Variants in BRWD1 observed in about 807,000 individuals in gnomAD.
BRWD1 encodes bromodomain and WD repeat-containing protein 1.
A neutral mutation model predicts 251.2 loss-of-function variants in BRWD1; 82 were observed. The observed-to-expected ratio is 0.33, with a 90% CI of 0.27 to 0.39. The LOEUF (loss-of-function observed/expected upper bound fraction) is 0.39, where lower values mean the gene tolerates loss of function less well. BRWD1 is among the 10% of genes least tolerant of loss of function. BRWD1 has a pLI of 1.00. For synonymous variants in BRWD1, 918 were observed against 902.8 expected, an observed-to-expected ratio of 1.02 and a Z score of -0.30; for missense variants, 2,233 against 2,711.6, an observed-to-expected ratio of 0.82 and a Z score of 3.92.
Position 39,186,944 on chromosome 21 carries a change from TTA to T in BRWD1, c.*9313_*9314del. Reference sequence around the variant, plus strand: ...CAAAGATGCCAATAAGGGAGTAATTTTAGAGCTGGGAGCAGAATGTAACTGCC... The same window carrying T: ...CAAAGATGCCAATAAGGGAGTAATTTGAGCTGGGAGCAGAATGTAACTGCC... On this transcript the variant is annotated 3_prime_UTR_variant, in exon 41 of 41. Transcript: ENST00000342449. The T allele has an allele frequency of 1.3e-6, 2 of 1,497,454 alleles. No individual in the cohort carries two copies. The highest frequency in any genetic ancestry group is 1.8e-6 in the Non-Finnish European group (2 of 1,129,508). 92.8% of individuals were successfully genotyped at this position (1,497,454 alleles called of 1,614,324 possible). A position where few individuals can be genotyped will look rare whatever the true frequency, so the allele number is the denominator to read the frequency against.
At chr21:39,226,046 A>AG (rs1318496602) in intron 27 of BRWD1, among the ~76,000 whole-genome samples, 2 of 152,170 alleles carry the variant, frequency 1.3e-5, no homozygotes, top group East Asian at 3.8e-4. Flanking sequence ...GTTAGAAGAG[A>AG]GTCTTTGATA....
chr21:39,233,106 G>C (rs559981317), intron 23 of BRWD1, among the ~76,000 whole-genome samples: 2 of 152,022 alleles, frequency 1.3e-5, no homozygotes, highest in Admixed American at 6.6e-5. Context: ...CATAACTCAA[G>C]CAGCCAGCTT....
intron 13 of BRWD1, among the ~76,000 whole-genome samples, chr21:39,273,911 T>C (rs114863054): frequency 0.015 from 2,315 of 152,348 alleles, 57 homozygotes; most frequent in African/African-American, 0.053. Context: ...TCTCGCTCTG[T>C]CACCCAGGCT....
At chr21:39,285,827 C>G (rs902765849) in intron 8 of BRWD1, among the ~76,000 whole-genome samples, 1 of 133,478 alleles carries the variant, frequency 7.5e-6, no homozygotes, top group African/African-American at 2.8e-5. Context: ...CTACTCCCAG[C>G]TACTCAGGAG....
At position 39,186,858 on chromosome 21, in the gene BRWD1, A is replaced by G. The variant is rs1343879160; in HGVS notation, c.*9401T>C. ...TCCTCCTCAGAATTCCCCAGAGCAC[A>G]TGTCTGTACAAGAGCTGACTGGGAG... On this transcript the variant is annotated 3_prime_UTR_variant, in exon 41 of 41. Transcript: ENST00000342449. The G allele has an allele frequency of 8.8e-7, 1 of 1,141,204 alleles. No individual in the cohort carries two copies. The highest frequency in any genetic ancestry group is 2.2e-5 in the South Asian group (1 of 46,370). 70.7% of individuals were successfully genotyped at this position (1,141,204 alleles called of 1,614,324 possible). A position where few individuals can be genotyped will look rare whatever the true frequency, so the allele number is the denominator to read the frequency against.
At chr21:39,224,619 A>G in intron 28 of BRWD1, 150 bp from the exon 29 acceptor site, 2 of 556,606 alleles carry the variant, frequency 3.6e-6, no homozygotes, top group Non-Finnish European at 6.4e-6. Flanking sequence ...TAAGAAGGAT[A>G]TATTATTAAA....
At chr21:39,273,630 A>AAGGCTGAGATGGGGGGAC (rs78610475) in intron 13 of BRWD1, among the ~76,000 whole-genome samples, 1 of 151,908 alleles carries the variant, frequency 6.6e-6, no homozygotes, top group East Asian at 1.9e-4. Context: ...AGCTACTTGG[A>AAGGCTGAGATGGGGGGAC]AGGCTGAGAT....
At position 39,196,747 on chromosome 21, in the gene BRWD1, G is replaced by A. The variant is rs777182390; in HGVS notation, c.6322C>T (p.Pro2108Ser). ...TGAATCACTTTTGTCTTACTAAAAG[G>A]AGCCTTTCCATAGGTCCTGAGTCTT... ...GRRLRTYGKA[P>S]FSKTKVIHDS... The change falls in exon 41 of 41, where the codon CCT (proline) becomes TCT (serine). Residue 2108 changes from proline (P) to serine (S), a missense_variant. By Grantham distance (74) the Pro-to-Ser change is moderately conservative. Around this residue, in one of 12 missense-constraint regions of BRWD1, gnomAD observed 928 missense variants for 970.0 expected, o/e 0.96. Transcript: ENST00000342449. 2 of 1,613,466 alleles carry A rather than the reference G, an allele frequency of 1.2e-6. No homozygotes were observed. The highest frequency in any genetic ancestry group is 2.2e-5 in the South Asian group (2 of 91,060).
chr21:39,199,945 C>T (rs186187788), intron 39 of BRWD1, among the ~76,000 whole-genome samples: 83 of 152,166 alleles, frequency 5.5e-4, no homozygotes, highest in Non-Finnish European at 1.1e-3. Context: ...AGAGACAAGG[C>T]TTCGCCATGG....
At chr21:39,209,953 C>A in intron 36 of BRWD1, 42 bp downstream of exon 36, 1 of 1,587,102 alleles carries the variant, frequency 6.3e-7, no homozygotes, top group South Asian at 1.1e-5. Flanking sequence ...ATTATCTACA[C>A]AGATCAGGCA....
rs532953699 is a variant in BRWD1 at position 39,280,086 on chromosome 21, CATTAG to C, written c.932+57_932+61del. 1,298 of 1,198,940 alleles carry C rather than the reference CATTAG, an allele frequency of 1.1e-3. 5 individuals are homozygous for C. Among genetic ancestry groups the C allele is most frequent in the African/African-American group, 4.5e-3 (286 of 62,990 alleles). 74.3% of individuals were successfully genotyped at this position (1,198,940 alleles called of 1,614,324 possible). A position where few individuals can be genotyped will look rare whatever the true frequency, so the allele number is the denominator to read the frequency against. ...TTCTCATAACAATAAAACTTCATTT[CATTAG>C]ATTAAACTGTAACTACATTAAAAAA... On this transcript the variant is annotated intron_variant, in intron 9 of 40. Coordinates refer to ENST00000342449, the MANE Select transcript of BRWD1 (RefSeq NM_033656.4).
chr21:39,275,259 C>A (rs973429571), intron 12 of BRWD1, among the ~76,000 whole-genome samples: 3 of 151,772 alleles, frequency 2.0e-5, no homozygotes, highest in Non-Finnish European at 2.9e-5. Context: ...ACAATGGAGG[C>A]AAAGAAGGAG....
Position 39,194,769 on chromosome 21 carries a change from T to C in BRWD1, c.*1490A>G, listed in dbSNP as rs748322096. ...GGTTTTGTCTGAAACCAAACACAAT[T>C]AGGGCTAATAAATAACATTGTCTAA... On this transcript the variant is annotated 3_prime_UTR_variant, in exon 41 of 41. Transcript: ENST00000342449. The C allele has an allele frequency of 1.1e-5, 17 of 1,534,808 alleles. No homozygotes were observed. The African/African-American group carries it at 1.9e-4, about 17-fold the overall frequency.
chr21:39,308,017 C>T (rs181528069), intron 4 of BRWD1, among the ~76,000 whole-genome samples: 6 of 152,224 alleles, frequency 3.9e-5, no homozygotes, highest in Admixed American at 2.0e-4. Flanking sequence ...GAGCTGGACA[C>T]GGAGGCTCAC....
At chr21:39,243,345 C>T (rs2034066520) in intron 21 of BRWD1, among the ~76,000 whole-genome samples, 1 of 152,070 alleles carries the variant, frequency 6.6e-6, no homozygotes, top group African/African-American at 2.4e-5. Flanking sequence ...ACACGTGATC[C>T]AGGATTTTAT....
chr21:39,280,622 G>C (rs1438424693), intron 8 of BRWD1, among the ~76,000 whole-genome samples: 1 of 152,072 alleles, frequency 6.6e-6, no homozygotes, highest in Non-Finnish European at 1.5e-5. Flanking sequence ...ATTCAACCTG[G>C]GAAAGCTGAC....
intron 25 of BRWD1, 112 bp downstream of exon 25, chr21:39,232,065 T>A (rs2033637279): frequency 1.0e-6 from 1 of 970,902 alleles, no homozygotes; most frequent in South Asian, 1.5e-5. Context: ...TGTTATCAAG[T>A]AGGAAAGAAA....
At chr21:39,314,727 A>G (rs145106451), upstream of BRWD1, 347 of 251,824 alleles carry the variant, frequency 1.4e-3, 2 homozygotes, top group African/African-American at 7.4e-3. Context: ...ACTCATGGCA[A>G]TAACCTACAC....
chr21:39,189,224 C>G lies in BRWD1; in HGVS notation c.*7035G>C. Reference sequence around the variant, plus strand: ...TAGGATGAGAATATACTATTATCAACTAGCTGCACCATTTGCATTTGGAAG... The same window carrying G: ...TAGGATGAGAATATACTATTATCAAGTAGCTGCACCATTTGCATTTGGAAG... On this transcript the variant is annotated 3_prime_UTR_variant, in exon 41 of 41. Transcript: ENST00000342449. The G allele has an allele frequency of 1.0e-6, 1 of 985,190 alleles. No homozygotes were observed. The highest frequency in any genetic ancestry group is 1.2e-6 in the Non-Finnish European group (1 of 829,762). The allele number at this position is 985,190 out of a possible 1,614,324, so 61.0% of individuals were successfully genotyped here. A position where few individuals can be genotyped will look rare whatever the true frequency, so the allele number is the denominator to read the frequency against.
Sources: gnomAD v4.1 joint callset for allele counts (sites outside exome capture counted in the v4.1 genomes callset) on GRCh38, gnomAD v4.1.1 for gene constraint, gnomAD v4.1.1 regional missense constraint, MANE v1.5 for transcripts, NCBI Gene and HGNC (gene_info 2026-07-23, HGNC 2026-07-21) for gene names.